Variants in ASXL2 observed in about 807,000 individuals in gnomAD.
ASXL2 encodes the protein putative Polycomb group protein ASXL2.
In ASXL2, 23 loss-of-function variants were observed where a neutral mutation model predicts 122.0. That is an observed-to-expected ratio of 0.19 (90% CI 0.14 to 0.27). ASXL2 has a LOEUF of 0.27. ASXL2 is among the 10% of genes least tolerant of loss of function. The probability of loss-of-function intolerance (pLI) is 1.00; values close to 1 mark genes in which losing one functional copy is unlikely to be tolerated. For synonymous variants in ASXL2, 650 were observed against 637.0 expected (o/e 1.02, Z -0.31); for missense variants, 1,518 against 1,713.8 (o/e 0.89, Z 2.02).
intron 4 of ASXL2, among the ~76,000 whole-genome samples, chr2:25,804,588 CTGA>C (rs972110951): frequency 6.6e-6 from 1 of 152,224 alleles, no homozygotes; most frequent in Non-Finnish European, 1.5e-5. Context: ...ACACCAAACC[CTGA>C]TGATGTCAAC....
chr2:25,753,158 C>T (rs758086030), intron 11 of ASXL2, among the ~76,000 whole-genome samples: 10 of 150,724 alleles, frequency 6.6e-5, no homozygotes, highest in Non-Finnish European at 1.3e-4. Flanking sequence ...TAAGTAGAGA[C>T]GGGGTTTCAC....
intron 3 of ASXL2, among the ~76,000 whole-genome samples, chr2:25,825,659 C>G (rs1228365709): frequency 6.6e-6 from 1 of 152,130 alleles, no homozygotes; most frequent in Admixed American, 6.5e-5. Context: ...AATATATATG[C>G]TACATTTTGT....
intron 6 of ASXL2, among the ~76,000 whole-genome samples, chr2:25,769,248 C>A (rs915291007): frequency 1.3e-5 from 2 of 152,144 alleles, no homozygotes; most frequent in African/African-American, 4.8e-5. Flanking sequence ...AGTACGTTTT[C>A]AATCATTTCT....
At chr2:25,792,502 C>T (rs2088850098) in intron 5 of ASXL2, among the ~76,000 whole-genome samples, 1 of 152,056 alleles carries the variant, frequency 6.6e-6, no homozygotes, top group Non-Finnish European at 1.5e-5. Context: ...AAAAGATTAA[C>T]AAATTCTGAT....
At chr2:25,871,482 A>G (rs956002510) in intron 1 of ASXL2, among the ~76,000 whole-genome samples, 5 of 142,826 alleles carry the variant, frequency 3.5e-5, no homozygotes, top group Non-Finnish European at 7.8e-5. Flanking sequence ...TAAGTGTTCA[A>G]AAAAAAATCT....
chr2:25,777,022 T>A lies in ASXL2; in HGVS notation c.404-5482A>T, dbSNP rs551821519. On this transcript the variant is annotated intron_variant, in intron 5 of 12. Transcript: ENST00000435504. ...ATTACAGGACCCACCAGTATAAACA[T>A]TTCCCAGAGTTGACTTAATGCTAAG... is the stretch of plus-strand genomic sequence containing the variant. Among the ~76,000 whole-genome samples, 4 of 152,202 alleles carry A rather than the reference T, an allele frequency of 2.6e-5. No individual in the cohort carries two copies. The East Asian group carries it at 7.7e-4, about 29-fold the overall frequency.
At position 25,744,117 on chromosome 2, in the gene ASXL2, C is replaced by T. The variant is rs376517297; in HGVS notation, c.2220G>A (p.Thr740=). 1.6e-4 allele frequency: 251 copies of T among 1,613,828 alleles called. No homozygotes were observed. Among genetic ancestry groups the T allele is most frequent in the Non-Finnish European group, 2.0e-4 (237 of 1,179,884 alleles). Reference sequence around the variant, plus strand: ...CTGGACCACAGGGTAAAAGCTCTCTCGTACCTCCCCTGCTTCCAGTTCCTG... The same window carrying T: ...CTGGACCACAGGGTAAAAGCTCTCTTGTACCTCCCCTGCTTCCAGTTCCTG... ...ELAGTGSRGG[T]RELLPCGPET... The change falls in exon 13 of 13, where the codon ACG becomes ACA. Residue 740 remains threonine, a synonymous_variant. Coordinates refer to ENST00000435504, the MANE Select transcript of ASXL2 (RefSeq NM_018263.6). This position sits in a 1 kb window ranked among gnomAD's most constrained non-coding sequence, Gnocchi z 4.7.
intron 1 of ASXL2, 55 bp downstream of exon 1, chr2:25,878,111 G>A (rs1224765110): frequency 1.2e-6 from 2 of 1,603,666 alleles, no homozygotes; most frequent in South Asian, 1.1e-5. Context: ...TGCGACTGGC[G>A]GGCGACAAGG....
chr2:25,799,748 C>G lies in ASXL2; in HGVS notation c.253-213G>C, dbSNP rs568916817. Among the ~76,000 whole-genome samples the G allele has an allele frequency of 5.3e-5, 8 of 152,204 alleles. No homozygotes were observed. In the Middle Eastern group the frequency reaches 0.01, roughly 194 times the overall value. The stretch of plus-strand genomic sequence containing the variant: ...TATATCCGAAGATAAAAATTATATA[C>G]AACATTCATATGCAGGCACAACACA... On this transcript the variant is annotated intron_variant, in intron 4 of 12. Transcript: ENST00000435504.
At chr2:25,835,883 G>T (rs926828161) in intron 2 of ASXL2, among the ~76,000 whole-genome samples, 1 of 152,168 alleles carries the variant, frequency 6.6e-6, no homozygotes, top group East Asian at 1.9e-4. Flanking sequence ...TTCTTCCCAT[G>T]CATTTCAATT....
At chr2:25,806,160 G>A (rs1006985663) in intron 4 of ASXL2, 69 bp downstream of exon 4, 7 of 945,282 alleles carry the variant, frequency 7.4e-6, no homozygotes, top group African/African-American at 1.6e-5. Flanking sequence ...CTGTCCCTAC[G>A]AGTCAAATAT....
intron 3 of ASXL2, among the ~76,000 whole-genome samples, chr2:25,826,588 C>T (rs1170309830): frequency 6.6e-6 from 1 of 152,060 alleles, no homozygotes; most frequent in Non-Finnish European, 1.5e-5. Context: ...TCCCCAATCT[C>T]TTGTCCATTT....
intron 5 of ASXL2, among the ~76,000 whole-genome samples, chr2:25,776,664 T>C (rs2088551538): frequency 6.6e-6 from 1 of 152,212 alleles, no homozygotes; most frequent in Non-Finnish European, 1.5e-5. Flanking sequence ...ATGCTTATTA[T>C]TGTCTGTCTT....
At chr2:25,784,397 A>G (rs1445422810) in intron 5 of ASXL2, among the ~76,000 whole-genome samples, 1 of 152,272 alleles carries the variant, frequency 6.6e-6, no homozygotes, top group Non-Finnish European at 1.5e-5. Context: ...TGACTATACA[A>G]TATTTTAAAA....
In ASXL2 at chr2:25,742,935, G is replaced by A; in HGVS notation, c.3402C>T (p.Gly1134=). The A allele has an allele frequency of 6.2e-7, 1 of 1,613,980 alleles. No individual in the cohort carries two copies. Among genetic ancestry groups the A allele is most frequent in the Non-Finnish European group, 8.5e-7 (1 of 1,179,886 alleles). The change falls in exon 13 of 13, where the codon GGC becomes GGT. Residue 1134 remains glycine, a synonymous_variant. Transcript: ENST00000435504. ...AATGGGTCCTCCTAAAGCTCTCTGA[G>A]CCCCGGCCGTAGGTAGAAATATTCA... ...YLLNISTYGR[G]SESFRRTHSV...
At chr2:25,746,943 C>T (rs1425644241) in intron 12 of ASXL2, among the ~76,000 whole-genome samples, 1 of 152,106 alleles carries the variant, frequency 6.6e-6, no homozygotes, top group African/African-American at 2.4e-5. Flanking sequence ...TCTAGGACCC[C>T]AGAGGATATC....
chr2:25,872,299 T>C (rs2089967670), intron 1 of ASXL2, among the ~76,000 whole-genome samples: 1 of 152,076 alleles, frequency 6.6e-6, no homozygotes, highest in Admixed American at 6.6e-5. Flanking sequence ...AGAGGATCCC[T>C]TGAGCCTGGG....
At chr2:25,875,137 T>C (rs1031928051) in intron 1 of ASXL2, among the ~76,000 whole-genome samples, 1 of 152,220 alleles carries the variant, frequency 6.6e-6, no homozygotes, top group Admixed American at 6.5e-5. Context: ...ATGCTTTTTA[T>C]AACTAGCATA....
In ASXL2 at chr2:25,734,617, C is replaced by T. The variant is rs952862840; in HGVS notation, c.*7412G>A. The T allele has an allele frequency of 1.1e-4, 17 of 152,142 alleles. No individual in the cohort carries two copies. The highest frequency in any genetic ancestry group is 4.1e-4 in the African/African-American group (17 of 41,452). The allele number at this position is 152,142 out of a possible 1,614,324, so 9.4% of individuals were successfully genotyped here. A position where few individuals can be genotyped will look rare whatever the true frequency, so the allele number is the denominator to read the frequency against. On this transcript the variant is annotated 3_prime_UTR_variant, in exon 13 of 13. Transcript: ENST00000435504. ...TTTAATGCACTGCTTTCTAATTGGG[C>T]TAATTTGAATCCTAAATATTTTGAG...
Sources: gnomAD v4.1 joint callset for allele counts (sites outside exome capture counted in the v4.1 genomes callset) on GRCh38, gnomAD v4.1.1 for gene constraint, Gnocchi (gnomAD v3.1) non-coding constraint, MANE v1.5 for transcripts, NCBI Gene and HGNC (gene_info 2026-07-23, HGNC 2026-07-21) for gene names.